BNC2: variants seen among roughly 807,000 people sequenced by gnomAD.
BNC2 encodes basonuclin zinc finger protein 2, also known as zinc finger protein basonuclin-2.
In BNC2, 20 loss-of-function variants were observed where a neutral mutation model predicts 76.3. The ratio of observed to expected loss-of-function variants is 0.26; its 90% CI spans 0.18 to 0.38. The LOEUF is 0.38. BNC2 is among the 10% of genes least tolerant of loss of function. The pLI is 1.00. For synonymous variants in BNC2, 582 were observed against 514.8 expected, an observed-to-expected ratio of 1.13 and a Z score of -1.77; for missense variants, 1,382 against 1,399.8, an observed-to-expected ratio of 0.99 and a Z score of 0.20.
At position 16,728,047 on chromosome 9, in the gene BNC2, A is replaced by G. The variant is rs752290493; in HGVS notation, c.130-50T>C. The G allele has an allele frequency of 1.7e-4, 226 of 1,336,396 alleles. 1 individual carries two copies. Among genetic ancestry groups the G allele is most frequent in the Non-Finnish European group, 2.2e-4 (216 of 981,250 alleles). 82.8% of individuals were successfully genotyped at this position (1,336,396 alleles called of 1,614,324 possible). On this transcript the variant is annotated intron_variant, in intron 2 of 6. Transcript: ENST00000380672. Reference sequence around the variant, plus strand: ...GAGCCTCTTGGCAGCCAGTAGCAGGAGTGTAGTGTAGTTAAGAAGCTGGCT... The same window carrying G: ...GAGCCTCTTGGCAGCCAGTAGCAGGGGTGTAGTGTAGTTAAGAAGCTGGCT...
chr9:16,747,418 G>C (rs1452286431), intron 1 of BNC2, among the ~76,000 whole-genome samples: 2 of 152,212 alleles, frequency 1.3e-5, no homozygotes, highest in African/African-American at 4.8e-5. Context: ...CAGAGTCAAG[G>C]AGATGGAACT....
intron 2 of BNC2, among the ~76,000 whole-genome samples, chr9:16,736,869 C>A (rs10810601): frequency 0.44 from 66,328 of 151,622 alleles, 18,812 homozygotes; most frequent in Non-Finnish European, 0.64. Flanking sequence ...TGCAACGGCA[C>A]CATCTCGGCT....
At chr9:16,866,556 T>C (rs904874521) in intron 1 of BNC2, among the ~76,000 whole-genome samples, 1 of 151,686 alleles carries the variant, frequency 6.6e-6, no homozygotes, top group Admixed American at 6.6e-5. Flanking sequence ...ATATAGTATC[T>C]GGTTGCATTT....
intron 3 of BNC2, 49 bp downstream of exon 3, chr9:16,727,748 A>G (rs750701760): frequency 1.5e-5 from 22 of 1,508,732 alleles, no homozygotes; most frequent in Non-Finnish European, 2.0e-5. Flanking sequence ...TAACAATTCA[A>G]GGTTTCTTAA....
intron 3 of BNC2, among the ~76,000 whole-genome samples, chr9:16,650,997 C>G (rs776794408): frequency 6.6e-6 from 1 of 152,102 alleles, no homozygotes; most frequent in East Asian, 1.9e-4. Flanking sequence ...TTTCTATATG[C>G]CTCGGTTTCC....
intron 3 of BNC2, among the ~76,000 whole-genome samples, chr9:16,607,538 T>C (rs939451637): frequency 6.6e-6 from 1 of 152,194 alleles, no homozygotes; most frequent in East Asian, 1.9e-4. Context: ...TATTATATTC[T>C]TACAGAATAA....
intron 4 of BNC2, among the ~76,000 whole-genome samples, chr9:16,555,796 C>CAA (rs1196337242): frequency 1.4e-5 from 2 of 146,882 alleles, no homozygotes; most frequent in African/African-American, 5.1e-5. Flanking sequence ...GACCCTGTCT[C>CAA]AAAAAAAAAG....
chr9:16,673,913 C>T (rs1259465452), intron 3 of BNC2, among the ~76,000 whole-genome samples: 1 of 152,206 alleles, frequency 6.6e-6, no homozygotes, highest in African/African-American at 2.4e-5. Context: ...ATACCTTGCA[C>T]TAAAATTGAA....
In BNC2 at chr9:16,800,374, TA is replaced by T. The variant is rs201009903; in HGVS notation, c.4-61890del. 8.8e-3 allele frequency among the ~76,000 whole-genome samples: 1,334 copies of T among 152,262 alleles called. 18 individuals are homozygous for T. Among genetic ancestry groups the T allele is most frequent in the African/African-American group, 0.03 (1,266 of 41,528 alleles). On this transcript the variant is annotated intron_variant, in intron 1 of 6. Transcript: ENST00000380672. ...CATATACATGTCTTTTTGCATAGTA[TA>T]TAACCAAGGAGCACAGCGTCTGTCC...
chr9:16,435,182 A>G, intron 6 of BNC2: 2 of 392,114 alleles, frequency 5.1e-6, no homozygotes, highest in Non-Finnish European at 1.0e-5. Context: ...ATATAAATAT[A>G]TAAATATATA....
At chr9:16,848,457 G>C (rs1049626982) in intron 1 of BNC2, among the ~76,000 whole-genome samples, 1 of 152,182 alleles carries the variant, frequency 6.6e-6, no homozygotes, top group Admixed American at 6.5e-5. Flanking sequence ...TCCCACAGGA[G>C]TTACAGTACA....
chr9:16,437,561 C>G, intron 5 of BNC2, 37 bp from the exon 6 acceptor site: 1 of 1,602,000 alleles, frequency 6.2e-7, no homozygotes. Context: ...AAGACAAACA[C>G]AAAAACTTAT....
At chr9:16,659,594 G>A (rs578172581) in intron 3 of BNC2, among the ~76,000 whole-genome samples, 11 of 136,452 alleles carry the variant, frequency 8.1e-5, no homozygotes, top group Middle Eastern at 8.7e-3. Context: ...GTGACAGAGC[G>A]AGACTCCGTC....
intron 1 of BNC2, chr9:16,868,126 G>C (rs567082569): frequency 1.3e-5 from 2 of 152,222 alleles, no homozygotes; most frequent in Admixed American, 6.5e-5. Context: ...GCATTGACTC[G>C]TGACATGGCA....
chr9:16,718,325 C>T (rs920538170), intron 3 of BNC2, among the ~76,000 whole-genome samples: 3 of 152,164 alleles, frequency 2.0e-5, no homozygotes, highest in African/African-American at 7.2e-5. Flanking sequence ...TTCTTCTTAT[C>T]CCTTCCTACT....
intron 4 of BNC2, among the ~76,000 whole-genome samples, chr9:16,555,862 T>G (rs1404838974): frequency 6.6e-6 from 1 of 152,132 alleles, no homozygotes; most frequent in Non-Finnish European, 1.5e-5. Context: ...GGTCAACAAC[T>G]TATTCTATAA....
intron 5 of BNC2, among the ~76,000 whole-genome samples, chr9:16,523,582 T>C (rs1817692217): frequency 6.6e-6 from 1 of 151,176 alleles, no homozygotes; most frequent in African/African-American, 2.4e-5. Flanking sequence ...AAAGTATGAC[T>C]AAAGAGAAGA....
In BNC2 at chr9:16,571,632, T is replaced by C. The variant is rs568606254; in HGVS notation, c.433+11351A>G. ...TCCTGTCTACTTTTCTTTGAGGCAATTGCGCACTCAGCACCCCGAGATAAT... is the reference window on the plus strand; with the variant it reads ...TCCTGTCTACTTTTCTTTGAGGCAACTGCGCACTCAGCACCCCGAGATAAT... On this transcript the variant is annotated intron_variant, in intron 4 of 6. Coordinates refer to ENST00000380672, the MANE Select transcript of BNC2 (RefSeq NM_017637.6). Among the ~76,000 whole-genome samples, 21 of 152,204 alleles carry C rather than the reference T, an allele frequency of 1.4e-4. No individual in the cohort carries two copies. In the South Asian group the frequency reaches 1.7e-3, roughly 12 times the overall value.
chr9:16,714,349 TC>T (rs1462915904), intron 3 of BNC2, among the ~76,000 whole-genome samples: 1 of 152,240 alleles, frequency 6.6e-6, no homozygotes, highest in Non-Finnish European at 1.5e-5. Flanking sequence ...CTCTTTTACT[TC>T]AGTGCTTCCC....
Sources: gnomAD v4.1 joint callset for allele counts (sites outside exome capture counted in the v4.1 genomes callset) on GRCh38, gnomAD v4.1.1 for gene constraint, MANE v1.5 for transcripts, NCBI Gene and HGNC (gene_info 2026-07-23, HGNC 2026-07-21) for gene names.